The following GRID2 variants were observed in gnomAD, a reference collection of about 807,000 sequenced individuals.
GRID2 encodes the protein glutamate receptor ionotropic, delta-2.
GRID2 carries 33 observed loss-of-function variants against 114.8 expected under a neutral mutation model. The observed-to-expected ratio is 0.29, with a 90% CI of 0.22 to 0.38. The LOEUF is 0.38. GRID2 is among the 10% of genes least tolerant of loss of function. The probability of loss-of-function intolerance (pLI) is 1.00; values close to 1 mark genes in which losing one functional copy is unlikely to be tolerated. For synonymous variants in GRID2, 505 were observed against 449.9 expected, an observed-to-expected ratio of 1.12 and a Z score of -1.55; for missense variants, 1,184 against 1,257.7, an observed-to-expected ratio of 0.94 and a Z score of 0.89.
chr4:93,141,307 T>C (rs1735748481), intron 4 of GRID2, among the ~76,000 whole-genome samples: 2 of 152,192 alleles, frequency 1.3e-5, no homozygotes, highest in South Asian at 4.1e-4. Flanking sequence ...ATAAGATTTA[T>C]TTAAACAAAT....
chr4:93,077,673 G>A (rs551079428), intron 2 of GRID2, among the ~76,000 whole-genome samples: 25 of 152,166 alleles, frequency 1.6e-4, no homozygotes, highest in Non-Finnish European at 2.9e-4. Context: ...TACCTATAAT[G>A]ACCAAATATG....
At chr4:93,487,873 T>C (rs1284452417) in intron 11 of GRID2, among the ~76,000 whole-genome samples, 1 of 151,930 alleles carries the variant, frequency 6.6e-6, no homozygotes, top group East Asian at 1.9e-4. Context: ...CCACCAACCA[T>C]TACCAACCAT....
At chr4:92,595,758 C>T (rs1051070228) in intron 2 of GRID2, among the ~76,000 whole-genome samples, 1 of 151,868 alleles carries the variant, frequency 6.6e-6, no homozygotes, top group African/African-American at 2.4e-5. Context: ...AATGGGATGA[C>T]AGGAAATTAG....
intron 1 of GRID2, among the ~76,000 whole-genome samples, chr4:93,796,746 C>T (rs1216488592): frequency 6.6e-6 from 1 of 152,112 alleles, no homozygotes; most frequent in Non-Finnish European, 1.5e-5. Context: ...AGATGGGTTT[C>T]ACCATGTTGG....
At chr4:93,657,874 C>A (rs1242433115) in intron 14 of GRID2, among the ~76,000 whole-genome samples, 3 of 152,158 alleles carry the variant, frequency 2.0e-5, no homozygotes, top group Admixed American at 2.0e-4. Context: ...ATACAGCTGC[C>A]AATTTGCTTT....
intron 2 of GRID2, among the ~76,000 whole-genome samples, chr4:92,907,001 T>C (rs901662052): frequency 1.3e-5 from 2 of 152,154 alleles, no homozygotes; most frequent in Non-Finnish European, 2.9e-5. Context: ...GTTTCATAGG[T>C]ACATAAAAGT....
chr4:93,347,193 T>A (rs961388805), intron 8 of GRID2, among the ~76,000 whole-genome samples: 7 of 152,006 alleles, frequency 4.6e-5, no homozygotes, highest in Admixed American at 3.9e-4. Context: ...TGAATTTATG[T>A]TGTACTATTT....
intron 1 of GRID2, among the ~76,000 whole-genome samples, chr4:92,502,432 G>T (rs1041872241): frequency 6.6e-6 from 1 of 151,826 alleles, no homozygotes; most frequent in Non-Finnish European, 1.5e-5. Context: ...AATGAGTAAA[G>T]ATTTTAAGAG....
chr4:92,656,733 C>T (rs1732258531), intron 2 of GRID2, among the ~76,000 whole-genome samples: 1 of 151,632 alleles, frequency 6.6e-6, no homozygotes, highest in African/African-American at 2.4e-5. Context: ...AAATCTCATG[C>T]TGAATCCCTG....
At chr4:92,539,572 C>G (rs1725824908) in intron 1 of GRID2, among the ~76,000 whole-genome samples, 1 of 151,920 alleles carries the variant, frequency 6.6e-6, no homozygotes. Flanking sequence ...GGATTATTTA[C>G]ATTACAGATA....
chr4:93,515,563 T>G, intron 13 of GRID2, 152 bp downstream of exon 13: 2 of 595,440 alleles, frequency 3.4e-6, no homozygotes. Flanking sequence ...TTATATTGAT[T>G]TAAAGAAGAT....
chr4:92,777,701 G>C (rs1027929331), intron 2 of GRID2, among the ~76,000 whole-genome samples: 2 of 142,346 alleles, frequency 1.4e-5, no homozygotes, highest in African/African-American at 2.6e-5. Context: ...GTCCTTATAA[G>C]AAGAGGAAGA....
At chr4:93,734,985 T>C (rs749009039) in intron 14 of GRID2, among the ~76,000 whole-genome samples, 9 of 152,044 alleles carry the variant, frequency 5.9e-5, no homozygotes, top group Non-Finnish European at 8.8e-5. Context: ...AAGTGCAATA[T>C]GCATTGTGTA....
At chr4:92,970,520 CGAT>C (rs1560756672) in intron 2 of GRID2, among the ~76,000 whole-genome samples, 1 of 151,916 alleles carries the variant, frequency 6.6e-6, no homozygotes, top group Non-Finnish European at 1.5e-5. Context: ...AAAACTAAAT[CGAT>C]GATATTTGAC....
At chr4:93,626,150 G>A (rs2149689891) in intron 13 of GRID2, 119 bp from the exon 14 acceptor site, 1 of 595,958 alleles carries the variant, frequency 1.7e-6, no homozygotes, top group Admixed American at 3.3e-5. Flanking sequence ...ATGATTATAT[G>A]TTCTATTATT....
At chr4:93,425,467 C>T (rs1228560394) in intron 10 of GRID2, among the ~76,000 whole-genome samples, 1 of 152,114 alleles carries the variant, frequency 6.6e-6, no homozygotes, top group African/African-American at 2.4e-5. Flanking sequence ...CTGTGGTTCT[C>T]CTCAAGCCCT....
intron 8 of GRID2, among the ~76,000 whole-genome samples, chr4:93,311,096 A>G (rs918718023): frequency 6.6e-6 from 1 of 152,174 alleles, no homozygotes; most frequent in African/African-American, 2.4e-5. Flanking sequence ...AAGATTGCCA[A>G]GGGATGGAAC....
chr4:93,337,611 C>T (rs193032401), intron 8 of GRID2, among the ~76,000 whole-genome samples: 1 of 152,276 alleles, frequency 6.6e-6, no homozygotes, highest in East Asian at 1.9e-4. Context: ...GGCATTATCT[C>T]TATCTTCCAA....
intron 1 of GRID2, among the ~76,000 whole-genome samples, chr4:92,445,032 T>C (rs1197131445): frequency 6.6e-6 from 1 of 152,200 alleles, no homozygotes; most frequent in African/African-American, 2.4e-5. Context: ...AGACATCATG[T>C]ATCTGGACTT....
Sources: gnomAD v4.1 joint callset for allele counts (sites outside exome capture counted in the v4.1 genomes callset) on GRCh38, gnomAD v4.1.1 for gene constraint, MANE v1.5 for transcripts, NCBI Gene and HGNC (gene_info 2026-07-23, HGNC 2026-07-21) for gene names.